MACROD2: variants seen among roughly 807,000 people sequenced by gnomAD.
MACROD2 encodes the protein mono-ADP ribosylhydrolase 2, also known as ADP-ribose glycohydrolase MACROD2.
Under a neutral mutation model 70.4 loss-of-function variants are expected in MACROD2, and 36 were observed. That is an observed-to-expected ratio of 0.51 (90% CI 0.39 to 0.68). MACROD2 has a LOEUF of 0.68. Among genes scored for constraint, MACROD2 ranks in the 30% least tolerant of loss-of-function variants. MACROD2 has a pLI of 0.00. For missense variants in MACROD2, 496 were observed against 538.4 expected (o/e 0.92, Z 0.78); for synonymous variants, 172 against 178.8 (o/e 0.96, Z 0.30).
Position 15,085,873 on chromosome 20 carries a change from A to AACACACACACACACAC in MACROD2, c.419-144043_419-144028dup, listed in dbSNP as rs3070249. On this transcript the variant is annotated intron_variant, in intron 5 of 17. Transcript: ENST00000684519. ...AAAGATGAATAACACACACACACACAACACACACACACACACACACACACA... is the reference window on the plus strand; with the variant it reads ...AAAGATGAATAACACACACACACACAACACACACACACACACACACACACACACACACACACACACA... Among the ~76,000 whole-genome samples the AACACACACACACACAC allele has an allele frequency of 5.7e-4, 82 of 144,384 alleles. 1 individual carries two copies. The South Asian group carries it at 0.018, about 31-fold the overall frequency. 94.7% of individuals were successfully genotyped at this position (144,384 alleles called of 152,430 possible).
intron 5 of MACROD2, among the ~76,000 whole-genome samples, chr20:15,053,712 G>GT (rs1348946779): frequency 6.6e-6 from 1 of 152,316 alleles, no homozygotes; most frequent in Non-Finnish European, 1.5e-5. Flanking sequence ...GGATCAAGGA[G>GT]TAAGTATGAC....
chr20:14,289,362 G>T (rs1485455107), intron 3 of MACROD2, among the ~76,000 whole-genome samples: 5 of 152,134 alleles, frequency 3.3e-5, no homozygotes, highest in Admixed American at 3.3e-4. Context: ...AGTAACCCTT[G>T]CTCACTGTAG....
At chr20:15,119,363 A>G (rs1244260728) in intron 5 of MACROD2, among the ~76,000 whole-genome samples, 1 of 152,028 alleles carries the variant, frequency 6.6e-6, no homozygotes, top group South Asian at 2.1e-4. Context: ...TCCCTCGCCA[A>G]TGAAACAAGT....
chr20:15,205,503 G>A (rs1043212578), intron 5 of MACROD2, among the ~76,000 whole-genome samples: 2 of 152,052 alleles, frequency 1.3e-5, no homozygotes, highest in African/African-American at 4.8e-5. Context: ...AGGCAAAACC[G>A]GTGAGGCTTA....
At chr20:14,505,228 A>G (rs6105281) in intron 4 of MACROD2, among the ~76,000 whole-genome samples, 1,826 of 152,286 alleles carry the variant, frequency 0.012, 43 homozygotes, top group African/African-American at 0.042. Context: ...GAAGATGATA[A>G]AAGTTGGAAA....
chr20:14,500,937 A>G (rs921537030), intron 4 of MACROD2, among the ~76,000 whole-genome samples: 1 of 152,116 alleles, frequency 6.6e-6, no homozygotes, highest in African/African-American at 2.4e-5. Flanking sequence ...TTGAGATATT[A>G]CTGTCTCTCA....
intron 5 of MACROD2, among the ~76,000 whole-genome samples, chr20:15,131,247 T>A (rs1467150775): frequency 6.6e-6 from 1 of 151,964 alleles, no homozygotes; most frequent in Non-Finnish European, 1.5e-5. Context: ...AAGAACTAAA[T>A]CTGTAGAAAC....
intron 7 of MACROD2, among the ~76,000 whole-genome samples, chr20:15,480,396 G>A (rs2047081388): frequency 6.6e-6 from 1 of 152,152 alleles, no homozygotes; most frequent in Admixed American, 6.5e-5. Context: ...CTGGGATTCT[G>A]TGCCATTTCT....
intron 5 of MACROD2, among the ~76,000 whole-genome samples, chr20:15,169,431 T>A (rs532773110): frequency 6.6e-6 from 1 of 152,272 alleles, no homozygotes; most frequent in South Asian, 2.1e-4. Flanking sequence ...GCCTCTGGAT[T>A]GCTAGAGTTC....
intron 5 of MACROD2, among the ~76,000 whole-genome samples, chr20:14,752,186 G>C (rs1018077846): frequency 6.8e-6 from 1 of 147,392 alleles, no homozygotes; most frequent in African/African-American, 2.5e-5. Flanking sequence ...TGCTTAAATT[G>C]TTCCCTTAGT....
chr20:15,344,970 C>T (rs999974017), intron 6 of MACROD2, among the ~76,000 whole-genome samples: 2 of 152,150 alleles, frequency 1.3e-5, no homozygotes, highest in Non-Finnish European at 2.9e-5. Context: ...GGCTGGAAGC[C>T]TGAGATTAGG....
chr20:15,766,058 T>C lies in MACROD2; in HGVS notation c.646-96687T>C, dbSNP rs111530690. On this transcript the variant is annotated intron_variant, in intron 8 of 17. Coordinates refer to ENST00000684519, the MANE Select transcript of MACROD2 (RefSeq NM_001351661.2). ...AAGATGATGATGGAAATAATTGTCA[T>C]ATTTCTCTTATGTTTTTTATTTGTT... 3.6e-3 allele frequency among the ~76,000 whole-genome samples: 554 copies of C among 152,298 alleles called. 5 individuals carry two copies. Among genetic ancestry groups the C allele is most frequent in the African/African-American group, 0.013 (523 of 41,568 alleles).
chr20:15,980,270 C>A (rs2066377492), intron 13 of MACROD2, among the ~76,000 whole-genome samples: 1 of 152,204 alleles, frequency 6.6e-6, no homozygotes, highest in Non-Finnish European at 1.5e-5. Flanking sequence ...TTTGATTTTA[C>A]TTCCTTGTTT....
Position 15,206,725 on chromosome 20 carries a change from T to TTTTTTTTTG in MACROD2, c.419-23207_419-23206insGTTTTTTTT, listed in dbSNP as rs2076708457. Among the ~76,000 whole-genome samples, 7 of 60,512 alleles carry TTTTTTTTTG rather than the reference T, an allele frequency of 1.2e-4. 1 individual carries two copies. The highest frequency in any genetic ancestry group is 6.1e-4 in the African/African-American group (6 of 9,892). The allele number at this position is 60,512 out of a possible 152,430, so 39.7% of individuals were successfully genotyped here. A position where few individuals can be genotyped will look rare whatever the true frequency, so the allele number is the denominator to read the frequency against. On this transcript the variant is annotated intron_variant, in intron 5 of 17. Coordinates refer to ENST00000684519, the MANE Select transcript of MACROD2 (RefSeq NM_001351661.2). ...GAAGTCTTTCATATTATCTATGTTT[T>TTTTTTTTTG]TTTTTTTTTTTTTTTTTTTTTTGAG...
At chr20:15,040,331 A>G (rs2075346252) in intron 5 of MACROD2, among the ~76,000 whole-genome samples, 1 of 151,354 alleles carries the variant, frequency 6.6e-6, no homozygotes, top group South Asian at 2.1e-4. Context: ...AAAAAAAAAA[A>G]AGTACCTTAA....
chr20:14,848,277 C>T (rs1008847765), intron 5 of MACROD2, among the ~76,000 whole-genome samples: 1 of 152,164 alleles, frequency 6.6e-6, no homozygotes, highest in Non-Finnish European at 1.5e-5. Flanking sequence ...GTCAAATATA[C>T]TTCTGCATAC....
chr20:15,910,216 A>C (rs1352143672), intron 10 of MACROD2, among the ~76,000 whole-genome samples: 1 of 152,238 alleles, frequency 6.6e-6, no homozygotes, highest in Non-Finnish European at 1.5e-5. Flanking sequence ...CTGAGAAGAC[A>C]GTCACACTGC....
intron 6 of MACROD2, among the ~76,000 whole-genome samples, chr20:15,264,813 C>T (rs567391426): frequency 6.6e-6 from 1 of 152,132 alleles, no homozygotes; most frequent in South Asian, 2.1e-4. Flanking sequence ...AAGGGAACTT[C>T]AGAGAAAGCC....
chr20:15,606,894 C>G (rs767214334), intron 8 of MACROD2, among the ~76,000 whole-genome samples: 1 of 151,338 alleles, frequency 6.6e-6, no homozygotes, highest in Non-Finnish European at 1.5e-5. Flanking sequence ...CCCAGCTACT[C>G]GGGAGGCTGA....
Sources: gnomAD v4.1 joint callset for allele counts (sites outside exome capture counted in the v4.1 genomes callset) on GRCh38, gnomAD v4.1.1 for gene constraint, MANE v1.5 for transcripts, NCBI Gene and HGNC (gene_info 2026-07-23, HGNC 2026-07-21) for gene names.